CCDC146: variants seen among roughly 807,000 people sequenced by gnomAD.
CCDC146 encodes the protein coiled-coil domain-containing protein 146.
A neutral mutation model predicts 119.3 loss-of-function variants in CCDC146; 92 were observed. The ratio of observed to expected loss-of-function variants is 0.77; its 90% CI spans 0.65 to 0.92. CCDC146 has a LOEUF of 0.92. Ranked by LOEUF, CCDC146 falls within the 40% of genes least tolerant of loss-of-function variation. The probability of loss-of-function intolerance (pLI) is 0.00; values close to 1 mark genes in which losing one functional copy is unlikely to be tolerated. For synonymous variants in CCDC146, 372 were observed against 371.8 expected (o/e 1.00, Z -0.01); for missense variants, 1,000 against 1,103.0 (o/e 0.91, Z 1.32).
At chr7:77,243,986 C>G (rs2150492249) in intron 4 of CCDC146, among the ~76,000 whole-genome samples, 1 of 152,270 alleles carries the variant, frequency 6.6e-6, no homozygotes, top group East Asian at 1.9e-4. Context: ...TCAAGCAATT[C>G]TCTGCCTCAG....
intron 2 of CCDC146, among the ~76,000 whole-genome samples, chr7:77,182,444 T>C (rs987255031): frequency 6.6e-6 from 1 of 152,152 alleles, no homozygotes; most frequent in Non-Finnish European, 1.5e-5. Flanking sequence ...ATTGCTTTTA[T>C]CACTTTTTCC....
chr7:77,183,838 A>T (rs961657748), intron 2 of CCDC146, among the ~76,000 whole-genome samples: 10 of 152,100 alleles, frequency 6.6e-5, no homozygotes, highest in Non-Finnish European at 1.3e-4. Context: ...GTCCTTGTAA[A>T]CTCTTAGCTC....
At chr7:77,293,660 G>A (rs1793993212) in intron 18 of CCDC146, among the ~76,000 whole-genome samples, 1 of 152,180 alleles carries the variant, frequency 6.6e-6, no homozygotes. Flanking sequence ...GTACATCATA[G>A]GCCCCAGCGC....
At chr7:77,240,583 A>G (rs1250913682) in intron 3 of CCDC146, among the ~76,000 whole-genome samples, 1 of 152,226 alleles carries the variant, frequency 6.6e-6, no homozygotes, top group East Asian at 1.9e-4. Context: ...AATGGTTGTT[A>G]TGCTGTATTG....
intron 3 of CCDC146, among the ~76,000 whole-genome samples, chr7:77,239,075 T>A (rs138063543): frequency 6.6e-6 from 1 of 152,192 alleles, no homozygotes. Context: ...TGAAACTGAA[T>A]GAGTCTTCCA....
intron 1 of CCDC146, among the ~76,000 whole-genome samples, chr7:77,161,338 G>A (rs548263632): frequency 8.6e-5 from 13 of 152,006 alleles, no homozygotes; most frequent in South Asian, 6.2e-4. Context: ...ACACGCACAC[G>A]TATGTTTATT....
chr7:77,232,175 T>A (rs900236726), intron 2 of CCDC146, among the ~76,000 whole-genome samples: 2 of 152,206 alleles, frequency 1.3e-5, no homozygotes, highest in Non-Finnish European at 2.9e-5. Flanking sequence ...CACTGATTGG[T>A]CAGAGGTCAC....
rs189697493 is a variant in CCDC146, at chr7:77,125,624, C to T, written c.-12+2892C>T. On this transcript the variant is annotated intron_variant, in intron 1 of 18. Transcript: ENST00000285871. ...CTTACCATCTAGATATAAATGTCAA[C>T]GAATATTTTATTTAATGATTTATGT... 2.8e-4 allele frequency among the ~76,000 whole-genome samples: 42 copies of T among 151,776 alleles called. 1 individual carries two copies. Among genetic ancestry groups the T allele is most frequent in the Admixed American group, 2.2e-3 (33 of 15,272 alleles).
At chr7:77,266,838 A>T (rs1346512580) in intron 9 of CCDC146, among the ~76,000 whole-genome samples, 1 of 152,190 alleles carries the variant, frequency 6.6e-6, no homozygotes. Context: ...CACCTGCTCA[A>T]GACATTCAAT....
intron 2 of CCDC146, among the ~76,000 whole-genome samples, chr7:77,228,470 C>A (rs1306094029): frequency 6.6e-6 from 1 of 152,184 alleles, no homozygotes; most frequent in Non-Finnish European, 1.5e-5. Flanking sequence ...CCATCCATGA[C>A]CCTGCAAAGG....
intron 9 of CCDC146, among the ~76,000 whole-genome samples, chr7:77,270,913 C>T (rs183337975): frequency 6.6e-6 from 1 of 152,212 alleles, no homozygotes; most frequent in Admixed American, 6.5e-5. Flanking sequence ...TTGGCCAGCT[C>T]CTTTTAACAG....
intron 2 of CCDC146, among the ~76,000 whole-genome samples, chr7:77,175,959 A>G (rs1394006290): frequency 6.6e-6 from 1 of 151,268 alleles, no homozygotes; most frequent in Non-Finnish European, 1.5e-5. Flanking sequence ...TGAGGATACA[A>G]GCAGTGTTAT....
At chr7:77,222,157 A>G (rs1355388959) in intron 2 of CCDC146, among the ~76,000 whole-genome samples, 2 of 152,208 alleles carry the variant, frequency 1.3e-5, no homozygotes, top group Non-Finnish European at 2.9e-5. Context: ...ACATCCTTAT[A>G]TTCTGCTCCC....
At chr7:77,165,102 G>A (rs1028492132) in intron 1 of CCDC146, among the ~76,000 whole-genome samples, 10 of 152,216 alleles carry the variant, frequency 6.6e-5, no homozygotes, top group African/African-American at 2.4e-4. Flanking sequence ...CTCTCCAGAA[G>A]GGCAGTCATC....
chr7:77,135,475 AAG>A (rs886789971), intron 1 of CCDC146, among the ~76,000 whole-genome samples: 3 of 152,104 alleles, frequency 2.0e-5, no homozygotes, highest in African/African-American at 7.2e-5. Flanking sequence ...GAAAGAAAGA[AAG>A]AGCGAGAGAG....
chr7:77,283,595 TA>T (rs1479280030), intron 15 of CCDC146, among the ~76,000 whole-genome samples: 2 of 152,120 alleles, frequency 1.3e-5, no homozygotes, highest in Non-Finnish European at 2.9e-5. Flanking sequence ...ATAAAAATTA[TA>T]AAGAAGAAAA....
At chr7:77,246,908 A>G (rs1792960645) in intron 4 of CCDC146, among the ~76,000 whole-genome samples, 1 of 152,222 alleles carries the variant, frequency 6.6e-6, no homozygotes, top group African/African-American at 2.4e-5. Flanking sequence ...GGCACACAGT[A>G]TGTTCAGTAT....
intron 9 of CCDC146, among the ~76,000 whole-genome samples, chr7:77,267,299 T>C (rs982616774): frequency 8.5e-5 from 13 of 152,098 alleles, no homozygotes; most frequent in African/African-American, 2.7e-4. Flanking sequence ...GGCCCAATAT[T>C]GCAAAGGATT....
At chr7:77,165,480 C>A (rs949293845) in intron 1 of CCDC146, among the ~76,000 whole-genome samples, 3 of 151,954 alleles carry the variant, frequency 2.0e-5, no homozygotes, top group East Asian at 1.9e-4. Flanking sequence ...GGGTGCCAAG[C>A]AAATAGGCCT....
Sources: allele counts gnomAD v4.1 joint callset (sites outside exome capture counted in the v4.1 genomes callset), GRCh38; gene constraint gnomAD v4.1.1; transcripts MANE v1.5; gene names NCBI Gene and HGNC (gene_info 2026-07-23, HGNC 2026-07-21).